The following DPP9 variants were observed in gnomAD, a reference collection of about 807,000 sequenced individuals.
DPP9 encodes dipeptidyl peptidase 9.
Under a neutral mutation model 110.7 loss-of-function variants are expected in DPP9, and 50 were observed. The observed-to-expected ratio is 0.45, with a 90% CI of 0.36 to 0.57. The LOEUF (loss-of-function observed/expected upper bound fraction) is 0.57, where lower values mean the gene tolerates loss of function less well. Among genes scored for constraint, DPP9 ranks in the 20% least tolerant of loss-of-function variants. The pLI is 0.00. For synonymous variants in DPP9, 561 were observed against 514.4 expected (o/e 1.09, Z -1.23); for missense variants, 1,022 against 1,217.9 (o/e 0.84, Z 2.39).
chr19:4,708,090 C>A (rs4401152), intron 4 of DPP9, among the ~76,000 whole-genome samples: 23,385 of 152,150 alleles, frequency 0.15, 2,105 homozygotes, highest in South Asian at 0.23. Context: ...AAATCACAGA[C>A]TGCCCTGACC....
At chr19:4,722,344 G>A (rs1568339559) in intron 2 of DPP9, 155 bp downstream of exon 2, 1 of 586,870 alleles carries the variant, frequency 1.7e-6, no homozygotes, top group African/African-American at 1.9e-5. Context: ...CCTCCAGCAG[G>A]CGCACAAAAA....
chr19:4,720,496 C>T (rs1422869567), intron 2 of DPP9, among the ~76,000 whole-genome samples: 1 of 152,226 alleles, frequency 6.6e-6, no homozygotes, highest in Non-Finnish European at 1.5e-5. Flanking sequence ...CTTTCCTGAG[C>T]ACCCCATCTG....
rs2092462002 is a variant in DPP9 at position 4,704,321 on chromosome 19, G to A, written c.427-17C>T. ...GGGCGTGGCCTGGAAACATACAGGG[G>A]ACAGGGGGCAGCGTCAGTGGGCAAA... On this transcript the variant is annotated splice_polypyrimidine_tract_variant and intron_variant, in intron 5 of 21. Coordinates refer to ENST00000262960, the MANE Select transcript of DPP9 (RefSeq NM_139159.5). The surrounding 1 kb of genome is among the most constrained non-coding windows in gnomAD (Gnocchi z 6.0). 6.3e-7 allele frequency: 1 copy of A among 1,598,264 alleles called. No homozygotes were observed. Among genetic ancestry groups the A allele is most frequent in the Non-Finnish European group, 8.5e-7 (1 of 1,170,462 alleles).
Position 4,700,734 on chromosome 19 carries a change from C to T in DPP9, c.1013-457G>A, listed in dbSNP as rs1568319347. ...GGAGCCCGTGTGACAGCCAGACCTG[C>T]GCCCTCCGGAGGCCAATGGCGACAG... On this transcript the variant is annotated intron_variant, in intron 9 of 21. Coordinates refer to ENST00000262960, the MANE Select transcript of DPP9 (RefSeq NM_139159.5). The surrounding 1 kb of genome is among the most constrained non-coding windows in gnomAD (Gnocchi z 4.3). Among the ~76,000 whole-genome samples, 1 of 152,180 alleles carries T rather than the reference C, an allele frequency of 6.6e-6. No homozygotes were observed. The highest frequency in any genetic ancestry group is 2.4e-5 in the African/African-American group (1 of 41,428).
intron 16 of DPP9, 148 bp downstream of exon 16, chr19:4,688,609 T>C: frequency 9.6e-7 from 1 of 1,045,686 alleles, no homozygotes; most frequent in African/African-American, 1.7e-5. Context: ...CTATGACGAG[T>C]TCCCAGATGC....
chr19:4,718,730 C>A lies in DPP9; in HGVS notation c.56+1121G>T, dbSNP rs547292230. On this transcript the variant is annotated intron_variant, in intron 3 of 21. Transcript: ENST00000262960. The surrounding 1 kb of genome is among the most constrained non-coding windows in gnomAD (Gnocchi z 4.3). ...ACCCCTAAGGCATGTGCCCACCAGA[C>A]GCTGGGACCACCCGGTTTTAGAGCC... is the stretch of plus-strand genomic sequence containing the variant. Among the ~76,000 whole-genome samples, 5 of 152,320 alleles carry A rather than the reference C, an allele frequency of 3.3e-5. No individual in the cohort carries two copies. The East Asian group carries it at 9.7e-4, about 29-fold the overall frequency.
In DPP9 at chr19:4,704,027, TGATTTCCAGC is replaced by T; in HGVS notation, c.618_627del (p.Leu207ArgfsTer42). On this transcript the variant is annotated frameshift_variant, in exon 7 of 22. Coordinates refer to ENST00000262960, the MANE Select transcript of DPP9 (RefSeq NM_139159.5). LOFTEE classifies it high-confidence loss of function. The surrounding 1 kb of genome is among the most constrained non-coding windows in gnomAD (Gnocchi z 6.0). ...ATCCGGGGCCCTGAGCACTGGGTCT[TGATTTCCAGC>T]GGTTTCATAGGGGACACCTGAGGAC... The T allele has an allele frequency of 6.2e-7, 1 of 1,613,974 alleles. No individual in the cohort carries two copies.
At position 4,704,583 on chromosome 19, in the gene DPP9, T is replaced by C. The variant is rs2092478020; in HGVS notation, c.427-279A>G. Among the ~76,000 whole-genome samples, 1 of 152,020 alleles carries C rather than the reference T, an allele frequency of 6.6e-6. No homozygotes were observed. The highest frequency in any genetic ancestry group is 1.5e-5 in the Non-Finnish European group (1 of 67,968). On this transcript the variant is annotated intron_variant, in intron 5 of 21. Coordinates refer to ENST00000262960, the MANE Select transcript of DPP9 (RefSeq NM_139159.5). This position sits in a 1 kb window ranked among gnomAD's most constrained non-coding sequence, Gnocchi z 6.0. ...AAGCCTCCTCACTTCCTGAGTTCCC[T>C]CCCCACAGACCCTCTCCATAGCAGA...
At chr19:4,699,609 T>C (rs1182384892) in intron 10 of DPP9, among the ~76,000 whole-genome samples, 2 of 151,968 alleles carry the variant, frequency 1.3e-5, no homozygotes, top group Non-Finnish European at 2.9e-5. Flanking sequence ...TGCGGGGTGA[T>C]GATGCCTTTT....
intron 16 of DPP9, chr19:4,688,389 A>G (rs971792600): frequency 1.4e-5 from 3 of 220,592 alleles, no homozygotes; most frequent in Non-Finnish European, 1.8e-5. Flanking sequence ...GATTACAGGC[A>G]GAAGCCACTG....
intron 13 of DPP9, among the ~76,000 whole-genome samples, chr19:4,691,901 C>A (rs1391978894): frequency 1.3e-5 from 2 of 151,922 alleles, no homozygotes; most frequent in African/African-American, 4.8e-5. Flanking sequence ...TGGTCTCCAA[C>A]TCCTGACCTC....
At chr19:4,713,950 G>GACAGCAT in intron 4 of DPP9, 131 bp downstream of exon 4, 3 of 1,363,706 alleles carry the variant, frequency 2.2e-6, no homozygotes, top group Non-Finnish European at 2.9e-6. Flanking sequence ...AGCCTCGAAG[G>GACAGCAT]ACAGCATGCC....
At position 4,700,820 on chromosome 19, in the gene DPP9, C is replaced by A. The variant is rs1397890652; in HGVS notation, c.1013-543G>T. On this transcript the variant is annotated intron_variant, in intron 9 of 21. Coordinates refer to ENST00000262960, the MANE Select transcript of DPP9 (RefSeq NM_139159.5). This position sits in a 1 kb window ranked among gnomAD's most constrained non-coding sequence, Gnocchi z 4.3. ...TTAGTTCAGGCTCCGAAAGAGGGCG[C>A]GGGCCACAGCAGAGCGGAGAATGCT... is the stretch of plus-strand genomic sequence containing the variant. Among the ~76,000 whole-genome samples, 1 of 152,192 alleles carries A rather than the reference C, an allele frequency of 6.6e-6. No individual in the cohort carries two copies. The highest frequency in any genetic ancestry group is 6.5e-5 in the Admixed American group (1 of 15,292).
intron 10 of DPP9, among the ~76,000 whole-genome samples, chr19:4,699,602 G>A (rs1415622319): frequency 1.3e-5 from 2 of 152,088 alleles, no homozygotes; most frequent in Admixed American, 6.5e-5. Flanking sequence ...GCCTTGCTGC[G>A]GGGTGATGAT....
Position 4,704,723 on chromosome 19 carries a change from C to T in DPP9, c.427-419G>A, listed in dbSNP as rs1159227403. Among the ~76,000 whole-genome samples the T allele has an allele frequency of 6.6e-6, 1 of 152,222 alleles. No homozygotes were observed. The highest frequency in any genetic ancestry group is 1.5e-5 in the Non-Finnish European group (1 of 68,044). The stretch of plus-strand genomic sequence containing the variant: ...TCCTACCCTATTCACAATCCCTTCC[C>T]ATCAAGAGCTTTCAATTTCGTAATC... On this transcript the variant is annotated intron_variant, in intron 5 of 21. Transcript: ENST00000262960. This position sits in a 1 kb window ranked among gnomAD's most constrained non-coding sequence, Gnocchi z 6.0.
intron 19 of DPP9, chr19:4,683,087 C>A: frequency 6.7e-7 from 1 of 1,487,666 alleles, no homozygotes; most frequent in Non-Finnish European, 8.9e-7. Flanking sequence ...GGCCGGGTCC[C>A]ACTGCCCGTC....
At chr19:4,714,648 T>C (rs1312755863) in intron 3 of DPP9, among the ~76,000 whole-genome samples, 1 of 152,106 alleles carries the variant, frequency 6.6e-6, no homozygotes, top group Non-Finnish European at 1.5e-5. Flanking sequence ...TGCGTCAGCC[T>C]CCCAAGTTGC....
At chr19:4,691,373 G>A (rs1045661083) in intron 13 of DPP9, among the ~76,000 whole-genome samples, 18 of 151,948 alleles carry the variant, frequency 1.2e-4, no homozygotes, top group Non-Finnish European at 2.1e-4. Flanking sequence ...CTACTTGGGA[G>A]ATTGAGCTGG....
In DPP9 at chr19:4,689,518, T is replaced by TG; in HGVS notation, c.1749+51dup. Reference sequence around the variant, plus strand: ...CCGGGCCATGAGGGACTGCTCTGGCTGGGAGCTGTTGGACGGGCACAGGGC... The same window carrying TG: ...CCGGGCCATGAGGGACTGCTCTGGCTGGGGAGCTGTTGGACGGGCACAGGGC... On this transcript the variant is annotated intron_variant, in intron 15 of 21. Coordinates refer to ENST00000262960, the MANE Select transcript of DPP9 (RefSeq NM_139159.5). This position sits in a 1 kb window ranked among gnomAD's most constrained non-coding sequence, Gnocchi z 7.0. 6.5e-7 allele frequency: 1 copy of TG among 1,531,136 alleles called. No individual in the cohort carries two copies. The highest frequency in any genetic ancestry group is 2.5e-5 in the East Asian group (1 of 40,690). The allele number at this position is 1,531,136 out of a possible 1,614,324, so 94.8% of individuals were successfully genotyped here.
Sources: gnomAD v4.1 joint callset for allele counts (sites outside exome capture counted in the v4.1 genomes callset) on GRCh38, gnomAD v4.1.1 for gene constraint, Gnocchi (gnomAD v3.1) non-coding constraint, MANE v1.5 for transcripts, NCBI Gene and HGNC (gene_info 2026-07-23, HGNC 2026-07-21) for gene names.